RALYL: variants seen among roughly 807,000 people sequenced by gnomAD.
RALYL encodes RALY RNA binding protein like, also known as RNA-binding Raly-like protein.
A neutral mutation model predicts 35.1 loss-of-function variants in RALYL; 29 were observed. The ratio of observed to expected loss-of-function variants is 0.83; its 90% CI spans 0.61 to 1.13. RALYL has a LOEUF of 1.13. RALYL is among the 50% of genes most tolerant of loss of function. The pLI is 0.00. For synonymous variants in RALYL, 120 were observed against 127.6 expected (o/e 0.94, Z 0.40); for missense variants, 359 against 360.4 (o/e 1.00, Z 0.03).
chr8:84,418,752 C>A (rs541932181), intron 1 of RALYL, among the ~76,000 whole-genome samples: 4 of 152,046 alleles, frequency 2.6e-5, no homozygotes, highest in African/African-American at 9.7e-5. Flanking sequence ...TAGTCTTCAA[C>A]TTTTACATGC....
intron 2 of RALYL, among the ~76,000 whole-genome samples, chr8:84,581,502 C>T (rs1167269616): frequency 6.6e-6 from 1 of 152,182 alleles, no homozygotes; most frequent in Admixed American, 6.5e-5. Flanking sequence ...ACTACGTTAA[C>T]TGATACATGT....
chr8:84,562,480 T>A (rs189062977), intron 2 of RALYL, among the ~76,000 whole-genome samples: 1 of 152,106 alleles, frequency 6.6e-6, no homozygotes. Flanking sequence ...TCTACCAATA[T>A]ATTAATAAAA....
chr8:84,735,307 T>G (rs1262554933), intron 2 of RALYL, among the ~76,000 whole-genome samples: 1 of 151,930 alleles, frequency 6.6e-6, no homozygotes, highest in Non-Finnish European at 1.5e-5. Flanking sequence ...TAAAAATTAA[T>G]AAAGGATAAA....
intron 8 of RALYL, among the ~76,000 whole-genome samples, chr8:84,889,783 T>G (rs1370037857): frequency 6.6e-6 from 1 of 152,176 alleles, no homozygotes; most frequent in South Asian, 2.1e-4. Flanking sequence ...TTCCTCATTC[T>G]GGTAAACAGC....
chr8:84,743,054 A>ATATATTAT (rs1193734390), intron 2 of RALYL, among the ~76,000 whole-genome samples: 1 of 151,964 alleles, frequency 6.6e-6, no homozygotes, highest in Non-Finnish European at 1.5e-5. Flanking sequence ...TTTTAGGAAA[A>ATATATTAT]TATATTATGG....
chr8:84,198,179 T>A (rs1815884798), intron 1 of RALYL, among the ~76,000 whole-genome samples: 1 of 152,168 alleles, frequency 6.6e-6, no homozygotes, highest in Non-Finnish European at 1.5e-5. Flanking sequence ...AAGGAAAACA[T>A]AATTTCTCCA....
At chr8:84,910,335 C>G (rs190924361) in intron 8 of RALYL, among the ~76,000 whole-genome samples, 1 of 152,126 alleles carries the variant, frequency 6.6e-6, no homozygotes, top group Admixed American at 6.6e-5. Context: ...TCTACTTCTT[C>G]TACTCTGTTA....
At chr8:84,836,961 T>C (rs1832145696) in intron 4 of RALYL, among the ~76,000 whole-genome samples, 1 of 152,210 alleles carries the variant, frequency 6.6e-6, no homozygotes, top group Non-Finnish European at 1.5e-5. Context: ...TCCACATTTT[T>C]CTACCACCAG....
intron 1 of RALYL, among the ~76,000 whole-genome samples, chr8:84,304,178 C>T (rs776333814): frequency 8.6e-5 from 13 of 151,984 alleles, no homozygotes; most frequent in Non-Finnish European, 1.9e-4. Flanking sequence ...AGTGCAGTGG[C>T]GCGATCTCAG....
intron 1 of RALYL, among the ~76,000 whole-genome samples, chr8:84,359,817 A>G (rs1852582616): frequency 6.6e-6 from 1 of 152,066 alleles, no homozygotes; most frequent in African/African-American, 2.4e-5. Context: ...TTCAATAGCC[A>G]CTAGCCACAC....
At chr8:84,274,302 A>T (rs1000522031) in intron 1 of RALYL, among the ~76,000 whole-genome samples, 1 of 152,138 alleles carries the variant, frequency 6.6e-6, no homozygotes, top group African/African-American at 2.4e-5. Flanking sequence ...ATTTACTATT[A>T]TCTTTGTTCT....
chr8:84,441,066 C>T (rs2132955066), intron 1 of RALYL, among the ~76,000 whole-genome samples: 1 of 151,872 alleles, frequency 6.6e-6, no homozygotes, highest in African/African-American at 2.4e-5. Context: ...ATATGTTTTG[C>T]CGATCTAATA....
intron 2 of RALYL, among the ~76,000 whole-genome samples, chr8:84,600,732 T>C (rs949167039): frequency 1.3e-5 from 2 of 152,138 alleles, no homozygotes; most frequent in African/African-American, 4.8e-5. Context: ...TTTATAGTCA[T>C]TTTCTTTTTC....
chr8:84,621,363 G>A (rs1821409464), intron 2 of RALYL, among the ~76,000 whole-genome samples: 1 of 152,138 alleles, frequency 6.6e-6, no homozygotes, highest in South Asian at 2.1e-4. Context: ...AATTTTCCAG[G>A]TGCCGGCTGT....
At chr8:84,289,892 GT>G (rs1391512322) in intron 1 of RALYL, among the ~76,000 whole-genome samples, 1 of 151,946 alleles carries the variant, frequency 6.6e-6, no homozygotes, top group Non-Finnish European at 1.5e-5. Context: ...CTGGGTATTT[GT>G]TTTTTCCCTG....
intron 3 of RALYL, among the ~76,000 whole-genome samples, chr8:84,792,994 C>G (rs1345959301): frequency 6.6e-6 from 1 of 152,050 alleles, no homozygotes; most frequent in African/African-American, 2.4e-5. Flanking sequence ...GTTTTTGGAC[C>G]AAGCAACTGG....
In RALYL at chr8:84,761,491, C is replaced by A. The variant is rs1239211933; in HGVS notation, c.257-13088C>A. 2.0e-5 allele frequency among the ~76,000 whole-genome samples: 3 copies of A among 151,734 alleles called. No homozygotes were observed. The South Asian group carries it at 6.3e-4, about 32-fold the overall frequency. ...ATAGAACCAGTGATAATTACATTAT[C>A]CAATGAATTAATTAAAATTTTGAAA... On this transcript the variant is annotated intron_variant, in intron 2 of 8. Transcript: ENST00000521268.
intron 1 of RALYL, among the ~76,000 whole-genome samples, chr8:84,428,241 A>G (rs2046757203): frequency 6.6e-6 from 1 of 152,058 alleles, no homozygotes; most frequent in Non-Finnish European, 1.5e-5. Flanking sequence ...TTGCTTTTTA[A>G]ACCTAGTTTG....
At chr8:84,345,259 A>G (rs866683692) in intron 1 of RALYL, among the ~76,000 whole-genome samples, 1 of 151,938 alleles carries the variant, frequency 6.6e-6, no homozygotes, top group Non-Finnish European at 1.5e-5. Context: ...TCAGAAAGTC[A>G]CCAACTATAG....
Sources: allele counts gnomAD v4.1 joint callset (sites outside exome capture counted in the v4.1 genomes callset), GRCh38; gene constraint gnomAD v4.1.1; transcripts MANE v1.5; gene names NCBI Gene and HGNC (gene_info 2026-07-23, HGNC 2026-07-21).